The following SLC19A1 variants were observed in gnomAD, a reference collection of about 807,000 sequenced individuals.
The protein encoded by SLC19A1 is solute carrier family 19 member 1.
A neutral mutation model predicts 35.3 loss-of-function variants in SLC19A1; 37 were observed. The ratio of observed to expected loss-of-function variants is 1.05; its 90% CI spans 0.81 to 1.38. The LOEUF (loss-of-function observed/expected upper bound fraction) is 1.38. Ranked by LOEUF, SLC19A1 falls within the 40% of genes most tolerant of loss-of-function variation. The probability of loss-of-function intolerance (pLI) is 0.00; values close to 1 mark genes in which losing one functional copy is unlikely to be tolerated. For synonymous variants in SLC19A1, 460 were observed against 398.5 expected, an observed-to-expected ratio of 1.15 and a Z score of -1.84; for missense variants, 831 against 826.9, an observed-to-expected ratio of 1.00 and a Z score of -0.06.
chr21:45,506,175 A>C, intron 3 of SLC19A1: 1 of 672,514 alleles, frequency 1.5e-6, no homozygotes, highest in Non-Finnish European at 2.5e-6. Context: ...AAGCTTCTGA[A>C]AGTGGATGAA....
intron 1 of SLC19A1, among the ~76,000 whole-genome samples, chr21:45,553,643 TAGTCCCCCCGCGCCCCCTTCCC>T (rs1292708366): frequency 1.1e-3 from 4 of 3,486 alleles, no homozygotes; most frequent in Admixed American, 3.3e-3. Flanking sequence ...GCCCCCCTCC[TAGTCCCCCCGCGCCCCCTTCCC>T]AGTCCCCCAC....
chr21:45,542,295 CACTCACCCCAGGGCCCCGA>C (rs914882852), intron 1 of SLC19A1, 54 bp downstream of exon 1: 5 of 151,912 alleles, frequency 3.3e-5, no homozygotes, highest in African/African-American at 9.7e-5. Context: ...CCGCGCCCCG[CACTCACCCCAGGGCCCCGA>C]GACACCCCGC....
rs1376100671 is a variant in SLC19A1 at position 45,534,236 on chromosome 21, C to T, written c.190-2088G>A. The stretch of plus-strand genomic sequence containing the variant: ...GGACATCAAACAGCCCCTCTGTGGG[C>T]AAGCTCTCCTGGCTGATGGCCTGCT... On this transcript the variant is annotated intron_variant, in intron 2 of 5. Coordinates refer to ENST00000311124, the MANE Select transcript of SLC19A1 (RefSeq NM_194255.4). The surrounding 1 kb of genome is among the most constrained non-coding windows in gnomAD (Gnocchi z 4.2). Among the ~76,000 whole-genome samples, 1 of 152,182 alleles carries T rather than the reference C, an allele frequency of 6.6e-6. No homozygotes were observed. The highest frequency in any genetic ancestry group is 2.4e-5 in the African/African-American group (1 of 41,454).
chr21:45,559,841 T>C (rs1336653582), intron 1 of SLC19A1, among the ~76,000 whole-genome samples: 2 of 152,162 alleles, frequency 1.3e-5, no homozygotes, highest in Non-Finnish European at 1.5e-5. Context: ...TGGCCCCCAG[T>C]GTGACAAGCA....
Position 45,537,981 on chromosome 21 carries a change from T to G in SLC19A1, c.-22A>C. The G allele has an allele frequency of 6.7e-7, 1 of 1,499,608 alleles. No individual in the cohort carries two copies. The highest frequency in any genetic ancestry group is 8.9e-7 in the Non-Finnish European group (1 of 1,122,528). The allele number at this position is 1,499,608 out of a possible 1,614,324, so 92.9% of individuals were successfully genotyped here. A position where few individuals can be genotyped will look rare whatever the true frequency, so the allele number is the denominator to read the frequency against. On this transcript the variant is annotated 5_prime_UTR_variant, in exon 2 of 6. Coordinates refer to ENST00000311124, the MANE Select transcript of SLC19A1 (RefSeq NM_194255.4). The stretch of plus-strand genomic sequence containing the variant: ...CCATCCTGCTCAGGCCACGTGCAGC[T>G]CCGGAGGGGACGAAGGTGACGCTGT...
downstream of SLC19A1, chr21:45,509,575 C>T (rs1225349726): frequency 1.3e-6 from 2 of 1,527,594 alleles, no homozygotes; most frequent in East Asian, 2.4e-5. Context: ...CCCACCCGCC[C>T]ACAGCCACCG....
At chr21:45,506,123 A>C in intron 3 of SLC19A1, 1 of 1,187,904 alleles carries the variant, frequency 8.4e-7, no homozygotes. Context: ...GTTTAGTAAA[A>C]TACTTTTGTG....
At position 45,530,901 on chromosome 21, in the gene SLC19A1, C is replaced by T. The variant is rs1568998079; in HGVS notation, c.1020G>A (p.Ala340=). The T allele has an allele frequency of 6.8e-7, 1 of 1,478,468 alleles. No homozygotes were observed. The highest frequency in any genetic ancestry group is 9.0e-7 in the Non-Finnish European group (1 of 1,116,828). 91.6% of individuals were successfully genotyped at this position (1,478,468 alleles called of 1,614,324 possible). The change falls in exon 4 of 6, where the codon GCG becomes GCA. Residue 340 remains alanine (A), a synonymous_variant. Coordinates refer to ENST00000311124, the MANE Select transcript of SLC19A1 (RefSeq NM_194255.4). This position sits in a 1 kb window ranked among gnomAD's most constrained non-coding sequence, Gnocchi z 5.3. The part of the protein sequence containing the change: ...RWARWSKLLI[A]GVTATQAGLV... Reference sequence around the variant, plus strand: ...GCCCCGCCTGCGTGGCCGTGACGCCCGCGATGAGCAGCTTGGACCAGCGCG... The same window carrying T: ...GCCCCGCCTGCGTGGCCGTGACGCCTGCGATGAGCAGCTTGGACCAGCGCG...
intron 1 of SLC19A1, among the ~76,000 whole-genome samples, chr21:45,557,366 G>A (rs893398493): frequency 6.6e-6 from 1 of 152,202 alleles, no homozygotes; most frequent in Non-Finnish European, 1.5e-5. Flanking sequence ...ATTCTCCTGA[G>A]GCTTCTCGTC....
chr21:45,553,360 A>C (rs1440122173), intron 1 of SLC19A1, among the ~76,000 whole-genome samples: 1 of 151,934 alleles, frequency 6.6e-6, no homozygotes, highest in Admixed American at 6.5e-5. Flanking sequence ...CCCCGGGATA[A>C]AGTCCAGAGG....
Position 45,505,518 on chromosome 21 carries a change from G to A in SLC19A1, c.498-6906C>T, listed in dbSNP as rs988013360. 129 of 762,248 alleles carry A rather than the reference G, an allele frequency of 1.7e-4. 2 individuals carry two copies. In the Middle Eastern group the frequency reaches 1.8e-3, roughly 10 times the overall value. The allele number at this position is 762,248 out of a possible 1,614,324, so 47.2% of individuals were successfully genotyped here. A position where few individuals can be genotyped will look rare whatever the true frequency, so the allele number is the denominator to read the frequency against. The stretch of plus-strand genomic sequence containing the variant: ...CTGCCCCTCAGAGACACTCTCCCAC[G>A]GACCCCACAGGGAGATATACAGGAG... On this transcript the variant is annotated intron_variant, in intron 3 of 4. Transcript: ENST00000417954.
At chr21:45,560,786 A>G (rs1349180862) in intron 1 of SLC19A1, among the ~76,000 whole-genome samples, 1 of 152,224 alleles carries the variant, frequency 6.6e-6, no homozygotes, top group Non-Finnish European at 1.5e-5. Context: ...CAAACAGACA[A>G]ACAAGAAGAG....
downstream of SLC19A1, chr21:45,509,476 AG>A (rs773937204): frequency 6.5e-7 from 1 of 1,527,070 alleles, no homozygotes; most frequent in Non-Finnish European, 8.8e-7. Flanking sequence ...CATCCTGGCC[AG>A]CCCCCCTCGC....
downstream of SLC19A1, chr21:45,511,090 T>TATAC (rs1568954974): frequency 4.3e-6 from 5 of 1,171,932 alleles, no homozygotes; most frequent in East Asian, 5.5e-5. Flanking sequence ...CACACACACA[T>TATAC]ACACACGGTT....
Position 45,531,938 on chromosome 21 carries a change from T to G in SLC19A1, c.400A>C (p.Ile134Leu). 6.2e-7 allele frequency: 1 copy of G among 1,602,690 alleles called. No individual in the cohort carries two copies. The highest frequency in any genetic ancestry group is 8.5e-7 in the Non-Finnish European group (1 of 1,175,432). Residue 134 changes from isoleucine to leucine, a missense_variant, in exon 3 of 6, where the codon ATC (isoleucine) becomes CTC (leucine). Physicochemically the swap from Ile to Leu is conservative, Grantham distance 5 (BLOSUM62 2). Coordinates refer to ENST00000311124, the MANE Select transcript of SLC19A1 (RefSeq NM_194255.4). ...LFYSVTMAAR[I>L]AYSSYIFSLV... Reference sequence around the variant, plus strand: ...GAGAAGATGTAGGAGGAATAGGCGATGCGCGCGGCCATGGTGACGCTGTAG... The same window carrying G: ...GAGAAGATGTAGGAGGAATAGGCGAGGCGCGCGGCCATGGTGACGCTGTAG...
At chr21:45,519,515 A>C (rs1052035243) in intron 5 of SLC19A1, among the ~76,000 whole-genome samples, 2 of 149,838 alleles carry the variant, frequency 1.3e-5, no homozygotes, top group Non-Finnish European at 3.0e-5. Context: ...TGTGAACATT[A>C]ATCAAAGGAA....
chr21:45,506,231 G>A lies in SLC19A1; in HGVS notation c.498-7619C>T, dbSNP rs527369360. 6.7e-4 allele frequency: 336 copies of A among 500,618 alleles called. 2 individuals carry two copies. Among genetic ancestry groups the A allele is most frequent in the South Asian group, 1.0e-3 (51 of 49,034 alleles). 31.0% of individuals were successfully genotyped at this position (500,618 alleles called of 1,614,324 possible). On this transcript the variant is annotated intron_variant, in intron 3 of 4. Transcript: ENST00000417954. ...CCTGGTGGGTCATGTCACAGTGAAC[G>A]TTTACAAAGATAAATGTCACCTCAC...
intron 3 of SLC19A1, chr21:45,507,331 G>C: frequency 2.3e-5 from 14 of 608,398 alleles, no homozygotes; most frequent in Non-Finnish European, 3.0e-5. Flanking sequence ...GGCTGGCAGG[G>C]CCGGGTGCTG....
chr21:45,510,979 C>CAT, downstream of SLC19A1: 29 of 15,620 alleles, frequency 1.9e-3, 14 homozygotes, highest in East Asian at 0.02. Flanking sequence ...CCAAACACCC[C>CAT]CCACACCCCA....
Sources: gnomAD v4.1 joint callset for allele counts (sites outside exome capture counted in the v4.1 genomes callset) on GRCh38, gnomAD v4.1.1 for gene constraint, Gnocchi (gnomAD v3.1) non-coding constraint, MANE v1.5 for transcripts, NCBI Gene and HGNC (gene_info 2026-07-23, HGNC 2026-07-21) for gene names.